CDH13: variants seen among roughly 807,000 people sequenced by gnomAD.
The protein encoded by CDH13 is cadherin 13, also known as cadherin-13.
CDH13 carries 24 observed loss-of-function variants against 63.8 expected under a neutral mutation model. The ratio of observed to expected loss-of-function variants is 0.38; its 90% CI spans 0.27 to 0.53. The LOEUF (loss-of-function observed/expected upper bound fraction) is 0.53, where lower values mean the gene tolerates loss of function less well. Ranked by LOEUF, CDH13 falls within the 20% of genes least tolerant of loss-of-function variation. CDH13 has a pLI of 0.85. For missense variants in CDH13, 1,049 were observed against 903.1 expected (o/e 1.16, Z -2.07); for synonymous variants, 503 against 355.3 (o/e 1.42, Z -4.67).
chr16:83,306,247 T>G (rs572522674), intron 5 of CDH13, among the ~76,000 whole-genome samples: 1 of 152,282 alleles, frequency 6.6e-6, no homozygotes, highest in South Asian at 2.1e-4. Context: ...GTGCTATGGT[T>G]TGGAGGTGGT....
chr16:83,735,448 T>G (rs1035649965), intron 10 of CDH13: 1 of 152,218 alleles, frequency 6.6e-6, no homozygotes. Flanking sequence ...TACTTGTAAT[T>G]AGCAAATAAT....
intron 1 of CDH13, chr16:82,826,790 A>G (rs1006045361): frequency 1.5e-4 from 23 of 152,196 alleles, no homozygotes; most frequent in African/African-American, 5.3e-4. Flanking sequence ...CAGATAATTT[A>G]GAGATATTGA....
chr16:83,055,558 CA>C (rs145651005), intron 3 of CDH13, among the ~76,000 whole-genome samples: 23 of 148,900 alleles, frequency 1.5e-4, no homozygotes, highest in African/African-American at 3.9e-4. Context: ...CAAAGCATAC[CA>C]AAAAAAAAGA....
At chr16:82,722,610 G>C (rs886967912) in intron 1 of CDH13, among the ~76,000 whole-genome samples, 7 of 152,110 alleles carry the variant, frequency 4.6e-5, no homozygotes, top group African/African-American at 1.7e-4. Flanking sequence ...TGGAGAGTGA[G>C]GTGATTTCCC....
At chr16:82,686,152 C>T (rs1203814034) in intron 1 of CDH13, among the ~76,000 whole-genome samples, 2 of 152,152 alleles carry the variant, frequency 1.3e-5, no homozygotes, top group African/African-American at 4.8e-5. Context: ...ACAGGGTTAT[C>T]ATTTGCAGAG....
chr16:83,723,632 T>C (rs1288389144), intron 10 of CDH13, among the ~76,000 whole-genome samples: 1 of 152,236 alleles, frequency 6.6e-6, no homozygotes, highest in Non-Finnish European at 1.5e-5. Flanking sequence ...CCCTGTACTG[T>C]TGCCCAATGG....
chr16:83,016,673 T>G (rs1364790852), intron 2 of CDH13, among the ~76,000 whole-genome samples: 2 of 152,114 alleles, frequency 1.3e-5, no homozygotes, highest in African/African-American at 4.8e-5. Context: ...ATGGTGTTCT[T>G]GAGCCCCTAA....
Position 83,396,417 on chromosome 16 carries a change from T to G in CDH13, c.781+51411T>G, listed in dbSNP as rs189097808. 2.6e-5 allele frequency among the ~76,000 whole-genome samples: 4 copies of G among 152,326 alleles called. No homozygotes were observed. The East Asian group carries it at 7.7e-4, about 29-fold the overall frequency. On this transcript the variant is annotated intron_variant, in intron 6 of 13. Transcript: ENST00000567109. ...TGCCATGTGTCATGTAATTCTATCC[T>G]CTCACTTCCAGGAGATTTGGAAGGC...
At chr16:83,188,697 G>A (rs2038603333) in intron 4 of CDH13, among the ~76,000 whole-genome samples, 1 of 152,156 alleles carries the variant, frequency 6.6e-6, no homozygotes, top group South Asian at 2.1e-4. Flanking sequence ...ATATTATTAA[G>A]TTTCCTATAA....
At chr16:82,627,376 G>GTGTGTGTGTA (rs1159058040) in intron 1 of CDH13, among the ~76,000 whole-genome samples, 25 of 148,708 alleles carry the variant, frequency 1.7e-4, no homozygotes, top group Non-Finnish European at 3.3e-4. Context: ...GTGTGTGTGT[G>GTGTGTGTGTA]TGTGTACGTT....
intron 4 of CDH13, among the ~76,000 whole-genome samples, chr16:83,177,547 T>C (rs1482579452): frequency 3.9e-5 from 6 of 152,148 alleles, no homozygotes. Flanking sequence ...TCCCTTAGTA[T>C]TGTTGTGAGG....
chr16:82,937,138 C>T (rs900612072), intron 2 of CDH13, among the ~76,000 whole-genome samples: 2 of 152,172 alleles, frequency 1.3e-5, no homozygotes, highest in African/African-American at 4.8e-5. Context: ...CCACAAACGC[C>T]TGTTCCCTCT....
intron 5 of CDH13, among the ~76,000 whole-genome samples, chr16:83,268,864 A>C (rs1010072811): frequency 3.9e-5 from 6 of 152,138 alleles, no homozygotes; most frequent in African/African-American, 1.4e-4. Flanking sequence ...TCACCTACCC[A>C]GTTCTTAGGT....
intron 4 of CDH13, among the ~76,000 whole-genome samples, chr16:83,176,645 A>T (rs35496740): frequency 0.074 from 11,206 of 152,068 alleles, 480 homozygotes; most frequent in Non-Finnish European, 0.081. Flanking sequence ...AACTTTGTGC[A>T]CATTCCTAAT....
intron 10 of CDH13, among the ~76,000 whole-genome samples, chr16:83,680,834 A>G (rs751609768): frequency 5.9e-5 from 9 of 152,040 alleles, no homozygotes; most frequent in Non-Finnish European, 1.2e-4. Flanking sequence ...CCTAATGGAA[A>G]AGTCCATGGG....
At chr16:83,035,935 C>G (rs561427916) in intron 3 of CDH13, among the ~76,000 whole-genome samples, 30 of 152,282 alleles carry the variant, frequency 2.0e-4, no homozygotes, top group African/African-American at 7.2e-4. Context: ...TTACTATGTG[C>G]TAAACCCTGG....
intron 5 of CDH13, among the ~76,000 whole-genome samples, chr16:83,335,239 C>T (rs140344693): frequency 7.2e-5 from 11 of 152,264 alleles, no homozygotes; most frequent in African/African-American, 2.4e-4. Context: ...GACTGCCTTC[C>T]AGGAAGATTG....
chr16:83,240,120 A>C (rs1027168853), intron 5 of CDH13, among the ~76,000 whole-genome samples: 1 of 152,116 alleles, frequency 6.6e-6, no homozygotes, highest in Non-Finnish European at 1.5e-5. Context: ...GGCAAATCCT[A>C]TGGAAAGATT....
At chr16:83,284,864 C>A (rs530465129) in intron 5 of CDH13, among the ~76,000 whole-genome samples, 2 of 151,940 alleles carry the variant, frequency 1.3e-5, no homozygotes, top group Non-Finnish European at 2.9e-5. Flanking sequence ...AACAAAGACC[C>A]AAGTTTAATA....
Sources: gnomAD v4.1 joint callset for allele counts (sites outside exome capture counted in the v4.1 genomes callset) on GRCh38, gnomAD v4.1.1 for gene constraint, MANE v1.5 for transcripts, NCBI Gene and HGNC (gene_info 2026-07-23, HGNC 2026-07-21) for gene names.